Variants in CDKL5 observed in about 807,000 individuals in gnomAD.
The protein encoded by CDKL5 is cyclin dependent kinase like 5, also known as cyclin-dependent kinase-like 5.
Under a neutral mutation model 61.7 loss-of-function variants are expected in CDKL5, and 8 were observed. That is an observed-to-expected ratio of 0.13 (90% CI 0.08 to 0.23). The LOEUF is 0.23. Ranked by LOEUF, CDKL5 falls within the 10% of genes least tolerant of loss-of-function variation. The probability of loss-of-function intolerance (pLI) is 1.00; values close to 1 mark genes in which losing one functional copy is unlikely to be tolerated. For synonymous variants in CDKL5, 275 were observed against 272.3 expected (o/e 1.01, Z -0.10); for missense variants, 440 against 734.5 (o/e 0.60, Z 4.63).
At chrX:18,516,836 A>G (rs1183456615) in intron 3 of CDKL5, among the ~76,000 whole-genome samples, 5 of 112,054 alleles carry the variant, frequency 4.5e-5, no homozygotes, top group African/African-American at 1.6e-4. Context: ...TCCTGGGTTC[A>G]AGTGATCTCC....
chrX:18,517,748 G>T (rs1923074226), intron 3 of CDKL5, among the ~76,000 whole-genome samples: 1 of 111,662 alleles, frequency 9.0e-6, no homozygotes, highest in Non-Finnish European at 1.9e-5. Flanking sequence ...AGTAGTGCAT[G>T]GATCCCAGCA....
intron 3 of CDKL5, among the ~76,000 whole-genome samples, chrX:18,536,814 C>G (rs1602247477): frequency 9.0e-6 from 1 of 110,739 alleles, no homozygotes; most frequent in African/African-American, 3.3e-5. Context: ...CCGATCTTTC[C>G]TAGACTTTTA....
intron 2 of CDKL5, among the ~76,000 whole-genome samples, chrX:18,508,382 G>T (rs1252146116): frequency 8.9e-6 from 1 of 112,060 alleles, no homozygotes; most frequent in Admixed American, 9.5e-5. Flanking sequence ...AAACAAATAG[G>T]TCTTTGTTCC....
In CDKL5 at chrX:18,488,577, G is replaced by A. The variant is rs148867400; in HGVS notation, c.-162-18358G>A. On this transcript the variant is annotated intron_variant, in intron 1 of 17. Transcript: ENST00000623535. ...ATCTTCACCCCAGACTTTCTGGGAG[G>A]GGAAAAGGGAAGGAGAATGAGCTCA... is the stretch of plus-strand genomic sequence containing the variant. 5.7e-4 allele frequency among the ~76,000 whole-genome samples: 64 copies of A among 111,727 alleles called. No homozygotes were observed. The East Asian group carries it at 0.016, about 29-fold the overall frequency.
At chrX:18,428,754 T>C (rs1931420041) in intron 1 of CDKL5, among the ~76,000 whole-genome samples, 1 of 108,362 alleles carries the variant, frequency 9.2e-6, no homozygotes, top group African/African-American at 3.4e-5. Flanking sequence ...CATCAAATAA[T>C]TTGGCAACAT....
At chrX:18,497,213 G>T (rs1329359569) in intron 1 of CDKL5, 1 of 111,145 alleles carries the variant, frequency 9.0e-6, no homozygotes, top group Non-Finnish European at 1.9e-5. Flanking sequence ...GCTGAAATTT[G>T]TCTCCTTTTT....
chrX:18,631,371 G>GT lies in CDKL5; in HGVS notation c.*2615dup. ...GTTCTGACTTTTCATCCAATAAGCTGTAAGTGAACTACAATCTGCATTTCC... is the reference window on the plus strand; with the variant it reads ...GTTCTGACTTTTCATCCAATAAGCTGTTAAGTGAACTACAATCTGCATTTCC... On this transcript the variant is annotated 3_prime_UTR_variant, in exon 18 of 18. Transcript: ENST00000623535. 1.3e-6 allele frequency: 1 copy of GT among 754,472 alleles called. No individual in the cohort carries two copies. The highest frequency in any genetic ancestry group is 1.6e-6 in the Non-Finnish European group (1 of 639,378). The allele number at this position is 754,472 out of a possible 1,213,427, so 62.2% of individuals were successfully genotyped here. A position where few individuals can be genotyped will look rare whatever the true frequency, so the allele number is the denominator to read the frequency against.
rs1265026916 is a variant in CDKL5 at position 18,609,699 on chromosome X, C to A, written c.2152+129C>A. The A allele has an allele frequency of 6.5e-6, 7 of 1,081,383 alleles. No individual in the cohort carries two copies. The Admixed American group carries it at 2.2e-4, about 34-fold the overall frequency. 89.1% of individuals were successfully genotyped at this position (1,081,383 alleles called of 1,213,427 possible). A position where few individuals can be genotyped will look rare whatever the true frequency, so the allele number is the denominator to read the frequency against. The stretch of plus-strand genomic sequence containing the variant: ...TGTCGCCTTCCAGCGGTTCTCCCTG[C>A]CTCTGCTCCTGCTAAGTCAGGCCCT... On this transcript the variant is annotated intron_variant, in intron 14 of 17. Transcript: ENST00000623535.
downstream of CDKL5, chrX:18,642,282 G>A (rs368749457): frequency 5.4e-5 from 39 of 718,828 alleles, no homozygotes; most frequent in East Asian, 5.1e-4. Flanking sequence ...AGCAGTTTGC[G>A]GGTGCCCCCC....
chrX:18,621,281 T>G (rs957391966), intron 16 of CDKL5, among the ~76,000 whole-genome samples: 1 of 111,989 alleles, frequency 8.9e-6, no homozygotes, highest in Non-Finnish European at 1.9e-5. Flanking sequence ...TAACCTGAAG[T>G]AAGCATTTTT....
At chrX:18,571,531 C>T (rs1925135902) in intron 4 of CDKL5, among the ~76,000 whole-genome samples, 1 of 111,071 alleles carries the variant, frequency 9.0e-6, no homozygotes, top group Non-Finnish European at 1.9e-5. Flanking sequence ...GTGCTACCAC[C>T]CTTTGAAAAT....
intron 1 of CDKL5, among the ~76,000 whole-genome samples, chrX:18,482,965 A>C (rs1921643079): frequency 1.8e-5 from 2 of 112,128 alleles, no homozygotes; most frequent in Non-Finnish European, 3.8e-5. Context: ...TTCCTTAATA[A>C]AAATATTGCT....
chrX:18,605,342 A>G (rs1926327776), intron 12 of CDKL5, among the ~76,000 whole-genome samples: 1 of 112,471 alleles, frequency 8.9e-6, no homozygotes, highest in South Asian at 3.6e-4. Flanking sequence ...GTCCAGAACT[A>G]CAGATAAATT....
chrX:18,499,690 A>T lies in CDKL5; in HGVS notation c.-162-7245A>T, dbSNP rs777416525. Among the ~76,000 whole-genome samples, 9 of 110,429 alleles carry T rather than the reference A, an allele frequency of 8.2e-5. No individual in the cohort carries two copies. The East Asian group carries it at 2.6e-3, about 31-fold the overall frequency. On this transcript the variant is annotated intron_variant, in intron 1 of 17. Transcript: ENST00000623535. ...GGCCAGTCTGGTTTTTATTGCATCAACCCTACCGTTGTTTTGTAGGCTATT... is the reference window on the plus strand; with the variant it reads ...GGCCAGTCTGGTTTTTATTGCATCATCCCTACCGTTGTTTTGTAGGCTATT...
At chrX:18,581,370 T>C (rs186140898) in intron 6 of CDKL5, among the ~76,000 whole-genome samples, 1 of 111,961 alleles carries the variant, frequency 8.9e-6, no homozygotes, top group East Asian at 2.8e-4. Flanking sequence ...GCATTAGACA[T>C]TGATAATTGT....
At chrX:18,504,380 A>T (rs1922497338) in intron 1 of CDKL5, among the ~76,000 whole-genome samples, 1 of 112,023 alleles carries the variant, frequency 8.9e-6, no homozygotes, top group Non-Finnish European at 1.9e-5. Flanking sequence ...TGCTGGGATT[A>T]TATGCGTGAA....
intron 7 of CDKL5, among the ~76,000 whole-genome samples, chrX:18,582,910 T>C (rs1925528287): frequency 8.9e-6 from 1 of 111,733 alleles, no homozygotes; most frequent in Non-Finnish European, 1.9e-5. Context: ...GAAAAAATGT[T>C]TTACAGGACT....
chrX:18,592,545 G>C (rs140750476), intron 9 of CDKL5, among the ~76,000 whole-genome samples: 1 of 111,668 alleles, frequency 9.0e-6, no homozygotes, highest in African/African-American at 3.2e-5. Context: ...TCTAGACAGC[G>C]TGTGATAATG....
intron 17 of CDKL5, chrX:18,626,725 C>CTCTCTCTCTCTCT (rs1927068634): frequency 3.9e-5 from 1 of 25,786 alleles, no homozygotes; most frequent in Non-Finnish European, 6.8e-5. Context: ...TCTCTCTCTC[C>CTCTCTCTCTCTCT]CCCCTCTCTC....
Sources: allele counts gnomAD v4.1 joint callset (sites outside exome capture counted in the v4.1 genomes callset), GRCh38; gene constraint gnomAD v4.1.1; transcripts MANE v1.5; gene names NCBI Gene and HGNC (gene_info 2026-07-23, HGNC 2026-07-21).